Variants in PCED1B observed in about 807,000 individuals in gnomAD.
PCED1B encodes PC-esterase domain-containing protein 1B.
For missense variants in PCED1B, 573 were observed against 573.9 expected (o/e 1.00, Z 0.02); for synonymous variants, 251 against 246.1 (o/e 1.02, Z -0.19).
chr12:47,196,831 TA>T (rs1386317889), intron 2 of PCED1B, among the ~76,000 whole-genome samples: 3 of 150,188 alleles, frequency 2.0e-5, no homozygotes, highest in African/African-American at 4.9e-5. Context: ...TCTTAAAAAT[TA>T]AAAAATATAT....
intron 2 of PCED1B, among the ~76,000 whole-genome samples, chr12:47,201,536 G>A (rs974953645): frequency 6.6e-6 from 1 of 152,002 alleles, no homozygotes; most frequent in Non-Finnish European, 1.5e-5. Flanking sequence ...TAAAAACAAG[G>A]TTGGGCGTTA....
intron 2 of PCED1B, among the ~76,000 whole-genome samples, chr12:47,177,084 C>G (rs943727023): frequency 2.0e-5 from 3 of 152,206 alleles, no homozygotes; most frequent in Admixed American, 2.0e-4. Flanking sequence ...CAGCTGTGAA[C>G]TCTGAGATGC....
intron 1 of PCED1B, among the ~76,000 whole-genome samples, chr12:47,089,474 A>ATATATATATATATG: frequency 8.7e-6 from 1 of 114,984 alleles, no homozygotes; most frequent in Non-Finnish European, 1.7e-5. Flanking sequence ...ATATATATAT[A>ATATATATATATATG]TATATATATA....
chr12:47,236,259 G>A lies in PCED1B; in HGVS notation c.1196G>A (p.Gly399Asp). The change falls in exon 4 of 4, where the codon GGT becomes GAT. Residue 399 changes from glycine (G) to aspartate (D), a missense_variant. Transcript: ENST00000546455. ...YQRPAPVVHRGFGRYRPRGPY... is the reference protein window; with the variant it reads ...YQRPAPVVHRDFGRYRPRGPY... ...CGGCCTGCCCCAGTGGTACATAGGG[G>A]TTTTGGCAGGTATCGTCCCCGTGGC... is the stretch of plus-strand genomic sequence containing the variant. 3 of 1,614,150 alleles carry A rather than the reference G, an allele frequency of 1.9e-6. No homozygotes were observed. The highest frequency in any genetic ancestry group is 2.5e-6 in the Non-Finnish European group (3 of 1,180,024).
intron 2 of PCED1B, among the ~76,000 whole-genome samples, chr12:47,126,210 G>A (rs1939882798): frequency 6.6e-6 from 1 of 151,966 alleles, no homozygotes; most frequent in African/African-American, 2.4e-5. Context: ...CTTAATGTGA[G>A]TTTTTATAAG....
chr12:47,095,632 T>G (rs1938454807), intron 1 of PCED1B, among the ~76,000 whole-genome samples: 1 of 152,216 alleles, frequency 6.6e-6, no homozygotes, highest in Non-Finnish European at 1.5e-5. Flanking sequence ...TCTATTTATC[T>G]GGGTTCCAGC....
At chr12:47,191,758 T>C (rs1942445696) in intron 2 of PCED1B, among the ~76,000 whole-genome samples, 1 of 152,024 alleles carries the variant, frequency 6.6e-6, no homozygotes, top group East Asian at 1.9e-4. Flanking sequence ...GGGTGCGGCC[T>C]GGACACAAAA....
At position 47,169,214 on chromosome 12, in the gene PCED1B, G is replaced by A. The variant is rs147065208; in HGVS notation, c.-525-47008G>A. 2.6e-3 allele frequency among the ~76,000 whole-genome samples: 400 copies of A among 152,302 alleles called. 2 individuals are homozygous for A. Among genetic ancestry groups the A allele is most frequent in the African/African-American group, 9.3e-3 (387 of 41,568 alleles). ...TAGAAAGTTGTGGAAAAATATGATA[G>A]GGCAGAGAGGGTTTGAGCTAGGATA... is the stretch of plus-strand genomic sequence containing the variant. On this transcript the variant is annotated intron_variant, in intron 2 of 3. Transcript: ENST00000546455.
At chr12:47,225,827 C>T (rs79954424) in intron 3 of PCED1B, among the ~76,000 whole-genome samples, 2,482 of 152,268 alleles carry the variant, frequency 0.016, 41 homozygotes, top group South Asian at 0.031. Context: ...TTTAAAACTT[C>T]TCTACAGTAT....
At chr12:47,195,196 G>T (rs1374465118) in intron 2 of PCED1B, among the ~76,000 whole-genome samples, 2 of 151,950 alleles carry the variant, frequency 1.3e-5, no homozygotes, top group Admixed American at 1.3e-4. Flanking sequence ...GAGCATGGTG[G>T]TACACACCTG....
intron 2 of PCED1B, among the ~76,000 whole-genome samples, chr12:47,205,491 G>A (rs1193662105): frequency 1.3e-5 from 2 of 152,086 alleles, no homozygotes; most frequent in Non-Finnish European, 2.9e-5. Flanking sequence ...GGTTTGTTTT[G>A]GCAAAGGGCT....
At chr12:47,122,630 A>T (rs879684980) in intron 2 of PCED1B, among the ~76,000 whole-genome samples, 10 of 152,164 alleles carry the variant, frequency 6.6e-5, no homozygotes, top group African/African-American at 2.2e-4. Context: ...ATTCTTTTTT[A>T]AAAAATAAAC....
At chr12:47,115,610 G>T (rs1939385276) in intron 2 of PCED1B, among the ~76,000 whole-genome samples, 1 of 152,000 alleles carries the variant, frequency 6.6e-6, no homozygotes, top group South Asian at 2.1e-4. Context: ...AAATGTTTCA[G>T]ATTAGAAAAT....
chr12:47,227,583 G>A (rs1943671719), intron 3 of PCED1B, among the ~76,000 whole-genome samples: 1 of 152,054 alleles, frequency 6.6e-6, no homozygotes, highest in Non-Finnish European at 1.5e-5. Context: ...GCCAGGCACA[G>A]TGGTTCACGC....
intron 3 of PCED1B, among the ~76,000 whole-genome samples, chr12:47,217,484 G>GAAAT (rs1194116782): frequency 1.0e-5 from 1 of 96,452 alleles, no homozygotes; most frequent in African/African-American, 6.7e-5. Context: ...AAGAAAGAAA[G>GAAAT]AAAGAAAGAA....
intron 2 of PCED1B, among the ~76,000 whole-genome samples, chr12:47,145,421 C>T (rs907640936): frequency 6.6e-6 from 1 of 152,186 alleles, no homozygotes; most frequent in Non-Finnish European, 1.5e-5. Flanking sequence ...AAGGCAGCTA[C>T]ACTAAACAAG....
At chr12:47,129,327 G>T (rs1289731751) in intron 2 of PCED1B, among the ~76,000 whole-genome samples, 2 of 151,858 alleles carry the variant, frequency 1.3e-5, no homozygotes, top group East Asian at 3.9e-4. Flanking sequence ...ATAAAAATTA[G>T]CCAGGTGTGG....
chr12:47,086,338 G>A (rs1438976019), intron 1 of PCED1B, among the ~76,000 whole-genome samples: 2 of 86,562 alleles, frequency 2.3e-5, no homozygotes, highest in South Asian at 4.0e-4. Context: ...AATTCTTAAA[G>A]TACTGTACTA....
At chr12:47,191,608 G>A (rs1293216929) in intron 2 of PCED1B, among the ~76,000 whole-genome samples, 1 of 152,034 alleles carries the variant, frequency 6.6e-6, no homozygotes, top group Non-Finnish European at 1.5e-5. Context: ...CTCCACCCAG[G>A]ACTTGGGCAT....
Sources: gnomAD v4.1 joint callset for allele counts (sites outside exome capture counted in the v4.1 genomes callset) on GRCh38, gnomAD v4.1.1 for gene constraint, MANE v1.5 for transcripts, NCBI Gene and HGNC (gene_info 2026-07-23, HGNC 2026-07-21) for gene names.